Variants in NCOA3 observed in about 807,000 individuals in gnomAD.
The protein encoded by NCOA3 is nuclear receptor coactivator 3.
In NCOA3, 51 loss-of-function variants were observed where a neutral mutation model predicts 158.8. The observed-to-expected ratio is 0.32, with a 90% CI of 0.26 to 0.41. NCOA3 has a LOEUF of 0.41. Among genes scored for constraint, NCOA3 ranks in the 10% least tolerant of loss-of-function variants. The probability of loss-of-function intolerance (pLI) is 1.00; values close to 1 mark genes in which losing one functional copy is unlikely to be tolerated. For synonymous variants in NCOA3, 537 were observed against 592.4 expected, an observed-to-expected ratio of 0.91 and a Z score of 1.36; for missense variants, 1,510 against 1,746.6, an observed-to-expected ratio of 0.86 and a Z score of 2.41.
chr20:47,536,214 C>T (rs1258657239), intron 1 of NCOA3, among the ~76,000 whole-genome samples: 1 of 152,218 alleles, frequency 6.6e-6, no homozygotes, highest in Non-Finnish European at 1.5e-5. Flanking sequence ...CATCTCTACC[C>T]AGCACTTACT....
chr20:47,528,427 C>G (rs924158238), intron 1 of NCOA3, among the ~76,000 whole-genome samples: 2 of 152,128 alleles, frequency 1.3e-5, no homozygotes, highest in African/African-American at 4.8e-5. Flanking sequence ...ATATATTGGT[C>G]TGGTATAAAC....
intron 2 of NCOA3, among the ~76,000 whole-genome samples, chr20:47,596,419 C>T (rs1019991740): frequency 1.3e-5 from 2 of 152,120 alleles, no homozygotes; most frequent in African/African-American, 4.8e-5. Flanking sequence ...AATTGATAAA[C>T]ATTAGAGTTT....
At chr20:47,615,384 T>G (rs1228544504) in intron 2 of NCOA3, among the ~76,000 whole-genome samples, 1 of 152,194 alleles carries the variant, frequency 6.6e-6, no homozygotes, top group East Asian at 1.9e-4. Flanking sequence ...TAATGAACAC[T>G]GGTAGTGTTG....
At chr20:47,605,494 G>A (rs578058625) in intron 2 of NCOA3, among the ~76,000 whole-genome samples, 43 of 152,110 alleles carry the variant, frequency 2.8e-4, no homozygotes, top group Middle Eastern at 3.4e-3. Context: ...ACAACTGCCT[G>A]TGGCAGTTTG....
At chr20:47,569,696 A>G (rs1206972607) in intron 1 of NCOA3, among the ~76,000 whole-genome samples, 2 of 151,306 alleles carry the variant, frequency 1.3e-5, no homozygotes, top group Non-Finnish European at 2.9e-5. Context: ...CAGCAACAAC[A>G]AAAGTCAATC....
In NCOA3 at chr20:47,642,378, C is replaced by T. The variant is rs1190187056; in HGVS notation, c.3246C>T (p.Val1082=). 6.3e-7 allele frequency: 1 copy of T among 1,597,158 alleles called. No homozygotes were observed. The highest frequency in any genetic ancestry group is 1.8e-5 in the Admixed American group (1 of 54,948). ...IDRALGIPEL[V]NQGQALEPKQ... is the part of the protein sequence containing the mutation. ...GAGCTTTGGGCATTCCTGAACTTGT[C>T]AATCAGGTAGGTTGCATTAACATGG... is the stretch of plus-strand genomic sequence containing the variant. Residue 1082 remains valine, a synonymous_variant, in exon 17 of 23, where the codon GTC becomes GTT. Coordinates refer to ENST00000371998, the MANE Select transcript of NCOA3 (RefSeq NM_181659.3).
chr20:47,563,174 A>G (rs1478484431), intron 1 of NCOA3, among the ~76,000 whole-genome samples: 1 of 152,226 alleles, frequency 6.6e-6, no homozygotes, highest in Admixed American at 6.5e-5. Context: ...TTATTTTCCT[A>G]ATCTATCCTT....
chr20:47,646,712 G>A (rs920291193), intron 17 of NCOA3, among the ~76,000 whole-genome samples: 4 of 152,108 alleles, frequency 2.6e-5, no homozygotes, highest in Non-Finnish European at 4.4e-5. Flanking sequence ...GAAGTGTTGC[G>A]AAGTACAGTG....
At chr20:47,525,187 C>T (rs1395138839) in intron 1 of NCOA3, among the ~76,000 whole-genome samples, 1 of 151,206 alleles carries the variant, frequency 6.6e-6, no homozygotes, top group African/African-American at 2.4e-5. Flanking sequence ...CATCTTGCAC[C>T]GCCCTTAATC....
At chr20:47,525,924 T>C (rs1236456430) in intron 1 of NCOA3, among the ~76,000 whole-genome samples, 1 of 146,944 alleles carries the variant, frequency 6.8e-6, no homozygotes, top group South Asian at 2.2e-4. Flanking sequence ...ATGGGGCGGC[T>C]GGCCGGGCGG....
intron 1 of NCOA3, among the ~76,000 whole-genome samples, chr20:47,515,472 C>CTTTTTTTTT (rs111350575): frequency 8.5e-5 from 11 of 130,038 alleles, no homozygotes; most frequent in African/African-American, 1.4e-4. Context: ...TTCTTTCTTT[C>CTTTTTTTTT]TTTTTTTTTT....
chr20:47,506,287 T>G (rs558069303), intron 1 of NCOA3, among the ~76,000 whole-genome samples: 1 of 152,312 alleles, frequency 6.6e-6, no homozygotes, highest in East Asian at 1.9e-4. Flanking sequence ...GGGAGAAGAT[T>G]ATTTTAGGTT....
chr20:47,566,279 A>G (rs531488925), intron 1 of NCOA3, among the ~76,000 whole-genome samples: 1 of 152,270 alleles, frequency 6.6e-6, no homozygotes, highest in African/African-American at 2.4e-5. Context: ...GTGAGTCCCA[A>G]GCTGGAATTT....
At chr20:47,550,336 C>G (rs1447353100) in intron 1 of NCOA3, among the ~76,000 whole-genome samples, 1 of 148,846 alleles carries the variant, frequency 6.7e-6, no homozygotes, top group Non-Finnish European at 1.5e-5. Context: ...CTCAGCTACT[C>G]GGGAGGCTGA....
chr20:47,597,520 G>A (rs1404368519), intron 2 of NCOA3, among the ~76,000 whole-genome samples: 1 of 146,628 alleles, frequency 6.8e-6, no homozygotes, highest in East Asian at 2.0e-4. Context: ...ATGGAGTTTC[G>A]CTCTGTCGCC....
chr20:47,525,630 C>A (rs796996851), intron 1 of NCOA3, among the ~76,000 whole-genome samples: 2 of 140,454 alleles, frequency 1.4e-5, no homozygotes, highest in South Asian at 2.2e-4. Context: ...CCCCACCTCC[C>A]TCCCGGACGG....
At chr20:47,578,484 C>T (rs1424939814) in intron 1 of NCOA3, among the ~76,000 whole-genome samples, 1 of 152,172 alleles carries the variant, frequency 6.6e-6, no homozygotes, top group Non-Finnish European at 1.5e-5. Flanking sequence ...CTGCACCCAG[C>T]CCCATTTTAT....
At chr20:47,525,689 C>G (rs560651494) in intron 1 of NCOA3, among the ~76,000 whole-genome samples, 1 of 127,872 alleles carries the variant, frequency 7.8e-6, no homozygotes, top group South Asian at 2.5e-4. Context: ...CCCTCCCGGA[C>G]GGGGCGGCTG....
chr20:47,633,789 C>T (rs868408692), intron 9 of NCOA3, among the ~76,000 whole-genome samples, 153 bp downstream of exon 9: 2 of 152,122 alleles, frequency 1.3e-5, no homozygotes, highest in Non-Finnish European at 2.9e-5. Context: ...CACCACCATA[C>T]CTGGTTTTGT....
Sources: allele counts gnomAD v4.1 joint callset (sites outside exome capture counted in the v4.1 genomes callset), GRCh38; gene constraint gnomAD v4.1.1; transcripts MANE v1.5; gene names NCBI Gene and HGNC (gene_info 2026-07-23, HGNC 2026-07-21).